Variants in MDFI observed in about 807,000 individuals in gnomAD.
MDFI encodes the protein MyoD family inhibitor.
Under a neutral mutation model 22.3 loss-of-function variants are expected in MDFI, and 16 were observed. That is an observed-to-expected ratio of 0.72 (90% CI 0.49 to 1.09). The LOEUF is 1.09. Ranked by LOEUF, MDFI falls within the 50% of genes least tolerant of loss-of-function variation. MDFI has a pLI of 0.00. For synonymous variants in MDFI, 145 were observed against 142.7 expected (o/e 1.02, Z -0.12); for missense variants, 314 against 326.1 (o/e 0.96, Z 0.29).
chr6:41,648,269 C>T (rs756715313), intron 3 of MDFI, among the ~76,000 whole-genome samples: 2 of 152,118 alleles, frequency 1.3e-5, no homozygotes, highest in Non-Finnish European at 2.9e-5. Flanking sequence ...ACTTACTGTA[C>T]CTCTCTGACA....
chr6:41,645,773 T>A (rs1768026013), intron 2 of MDFI, among the ~76,000 whole-genome samples: 2 of 152,124 alleles, frequency 1.3e-5, no homozygotes, highest in African/African-American at 4.8e-5. Flanking sequence ...TCACTCTCGA[T>A]GCCTGTCCCT....
At chr6:41,643,263 G>A (rs1767915649) in intron 2 of MDFI, among the ~76,000 whole-genome samples, 1 of 152,148 alleles carries the variant, frequency 6.6e-6, no homozygotes, top group Non-Finnish European at 1.5e-5. Context: ...AAGACTCAGT[G>A]TGAGTACTGC....
chr6:41,638,642 G>T lies in MDFI; in HGVS notation c.-22G>T. On this transcript the variant is annotated 5_prime_UTR_variant, in exon 1 of 5. Coordinates refer to ENST00000230321, the MANE Select transcript of MDFI (RefSeq NM_005586.4). This position sits in a 1 kb window ranked among gnomAD's most constrained non-coding sequence, Gnocchi z 7.6. ...ATCCGGCTGGAAGAGAGCGTAGCAC[G>T]GCTCGCACGAGTGAGTGGACGTGGG... The T allele has an allele frequency of 7.8e-7, 1 of 1,287,762 alleles. No homozygotes were observed. The highest frequency in any genetic ancestry group is 2.1e-5 in the Admixed American group (1 of 48,706). 79.8% of individuals were successfully genotyped at this position (1,287,762 alleles called of 1,614,324 possible).
Position 41,653,846 on chromosome 6 carries a change from G to T in MDFI, c.*271G>T. 1 of 488,690 alleles carries T rather than the reference G, an allele frequency of 2.0e-6. No homozygotes were observed. The highest frequency in any genetic ancestry group is 3.5e-5 in the East Asian group (1 of 28,238). 30.3% of individuals were successfully genotyped at this position (488,690 alleles called of 1,614,324 possible). A position where few individuals can be genotyped will look rare whatever the true frequency, so the allele number is the denominator to read the frequency against. ...CAGGTTCATACATTGCTGAGGACCT[G>T]ACAGGACAACCTAGGGGCAGGGCTG... On this transcript the variant is annotated 3_prime_UTR_variant, in exon 5 of 5. Coordinates refer to ENST00000230321, the MANE Select transcript of MDFI (RefSeq NM_005586.4). This position sits in a 1 kb window ranked among gnomAD's most constrained non-coding sequence, Gnocchi z 4.2.
chr6:41,643,548 G>A (rs6904866), intron 2 of MDFI, among the ~76,000 whole-genome samples: 2,157 of 74,950 alleles, frequency 0.029, 110 homozygotes, highest in African/African-American at 0.1. Flanking sequence ...GAGGGAAGGA[G>A]GGAAGGAAGG....
intron 2 of MDFI, among the ~76,000 whole-genome samples, chr6:41,642,727 G>A (rs931410986): frequency 2.0e-5 from 3 of 152,140 alleles, no homozygotes; most frequent in Non-Finnish European, 2.9e-5. Flanking sequence ...CAGGATTATT[G>A]GACTTGGTTT....
chr6:41,653,834 T>G lies in MDFI; in HGVS notation c.*259T>G. ...TTACTGGGTTACCAGGTTCATACAT[T>G]GCTGAGGACCTGACAGGACAACCTA... On this transcript the variant is annotated 3_prime_UTR_variant, in exon 5 of 5. Coordinates refer to ENST00000230321, the MANE Select transcript of MDFI (RefSeq NM_005586.4). The surrounding 1 kb of genome is among the most constrained non-coding windows in gnomAD (Gnocchi z 4.2). 3.0e-5 allele frequency: 14 copies of G among 461,574 alleles called. No homozygotes were observed. The highest frequency in any genetic ancestry group is 4.0e-5 in the Non-Finnish European group (10 of 250,298). 28.6% of individuals were successfully genotyped at this position (461,574 alleles called of 1,614,324 possible). A position where few individuals can be genotyped will look rare whatever the true frequency, so the allele number is the denominator to read the frequency against.
At chr6:41,645,250 T>C (rs996976586) in intron 2 of MDFI, among the ~76,000 whole-genome samples, 1 of 151,880 alleles carries the variant, frequency 6.6e-6, no homozygotes, top group Non-Finnish European at 1.5e-5. Flanking sequence ...CGGACCCCTT[T>C]CTTCCTCCCT....
chr6:41,640,989 G>A (rs963771608), intron 2 of MDFI, among the ~76,000 whole-genome samples: 6 of 152,276 alleles, frequency 3.9e-5, no homozygotes, highest in Non-Finnish European at 8.8e-5. Flanking sequence ...TAACTGGCCA[G>A]CTCAGGCCCT....
rs770228090 is a variant in MDFI at position 41,653,281 on chromosome 6, C to G, written c.485-38C>G. The G allele has an allele frequency of 3.8e-6, 6 of 1,597,770 alleles. No homozygotes were observed. In the South Asian group the frequency reaches 4.4e-5, roughly 12 times the overall value. ...TATTTCACACACGCTCATCCCTCCC[C>G]TCTCTCACCCGTCCCCCTCTCCACC... is the stretch of plus-strand genomic sequence containing the variant. On this transcript the variant is annotated intron_variant, in intron 4 of 4. Transcript: ENST00000230321. The surrounding 1 kb of genome is among the most constrained non-coding windows in gnomAD (Gnocchi z 4.2).
chr6:41,653,565 T>G lies in MDFI; in HGVS notation c.731T>G (p.Phe244Cys). 1 of 1,600,250 alleles carries G rather than the reference T, an allele frequency of 6.2e-7. No individual in the cohort carries two copies. The highest frequency in any genetic ancestry group is 1.1e-5 in the South Asian group (1 of 91,074). The change falls in exon 5 of 5, where the codon TTC becomes TGC. Residue 244 changes from phenylalanine (F) to cysteine (C), a missense_variant. Phe to Cys is a radical substitution (Grantham distance 205, BLOSUM62 -2). Coordinates refer to ENST00000230321, the MANE Select transcript of MDFI (RefSeq NM_005586.4). This position sits in a 1 kb window ranked among gnomAD's most constrained non-coding sequence, Gnocchi z 4.2. ...TGCATGGAGTGCTGTGGGCTCTGCT[T>G]CTCCTCCTGAGCCTCTGTCGGGGGC... ...EICMECCGLC[F>C]SS
chr6:41,644,498 G>A (rs951084833), intron 2 of MDFI, among the ~76,000 whole-genome samples: 2 of 152,028 alleles, frequency 1.3e-5, no homozygotes, highest in African/African-American at 2.4e-5. Context: ...TCCCCTGGCT[G>A]TGGGGGACCA....
At chr6:41,644,431 T>G (rs1396392032) in intron 2 of MDFI, among the ~76,000 whole-genome samples, 1 of 152,150 alleles carries the variant, frequency 6.6e-6, no homozygotes, top group Non-Finnish European at 1.5e-5. Flanking sequence ...GGTGAGAGCA[T>G]GCCTGCTGGG....
intron 2 of MDFI, among the ~76,000 whole-genome samples, chr6:41,644,340 C>T (rs1376659975): frequency 1.3e-5 from 2 of 152,190 alleles, no homozygotes. Context: ...CTGCCCTGCA[C>T]AAATCCTAGG....
chr6:41,645,639 C>T (rs902657330), intron 2 of MDFI, among the ~76,000 whole-genome samples: 1 of 152,176 alleles, frequency 6.6e-6, no homozygotes, highest in Non-Finnish European at 1.5e-5. Flanking sequence ...TGCTGCGTCT[C>T]ACTCCCGTCT....
At chr6:41,638,288 T>A (rs1561825628), upstream of MDFI, 1 of 163,124 alleles carries the variant, frequency 6.1e-6, no homozygotes, top group Non-Finnish European at 1.3e-5. The surrounding 1 kb of genome is among the most constrained non-coding windows in gnomAD (Gnocchi z 7.6). Context: ...GGCTCGGGCC[T>A]CGGGCGCCCC....
intron 2 of MDFI, chr6:41,639,112 A>T: frequency 1.8e-6 from 1 of 550,610 alleles, no homozygotes; most frequent in African/African-American, 2.2e-5. Flanking sequence ...ACACACACAT[A>T]CACTCCGCGG....
chr6:41,649,872 A>G (rs750282290), intron 4 of MDFI, 29 bp downstream of exon 4: 1 of 1,597,438 alleles, frequency 6.3e-7, no homozygotes, highest in Non-Finnish European at 8.6e-7. Flanking sequence ...TCTCCCTGGG[A>G]GAGGCCTCCA....
chr6:41,650,591 T>TTTTA (rs1768231145), intron 4 of MDFI, among the ~76,000 whole-genome samples: 1 of 150,614 alleles, frequency 6.6e-6, no homozygotes, highest in African/African-American at 2.4e-5. Flanking sequence ...TTTTTTTTTT[T>TTTTA]GAGATGGAGT....
Sources: allele counts gnomAD v4.1 joint callset (sites outside exome capture counted in the v4.1 genomes callset), GRCh38; gene constraint gnomAD v4.1.1; non-coding constraint Gnocchi (gnomAD v3.1); transcripts MANE v1.5; gene names NCBI Gene and HGNC (gene_info 2026-07-23, HGNC 2026-07-21).